The following MARCHF1 variants were observed in gnomAD, a reference collection of about 807,000 sequenced individuals.
MARCHF1 encodes the protein E3 ubiquitin-protein ligase MARCHF1.
A neutral mutation model predicts 54.2 loss-of-function variants in MARCHF1; 40 were observed. The ratio of observed to expected loss-of-function variants is 0.74; its 90% CI spans 0.57 to 0.96. MARCHF1 has a LOEUF of 0.96. MARCHF1 is among the 40% of genes least tolerant of loss of function. The pLI, the probability that MARCHF1 is intolerant of heterozygous loss-of-function variation, is 0.00. For missense variants in MARCHF1, 586 were observed against 656.5 expected (o/e 0.89, Z 1.17); for synonymous variants, 236 against 236.3 (o/e 1.00, Z 0.01).
At chr4:163,568,617 T>G (rs1739728798) in intron 8 of MARCHF1, among the ~76,000 whole-genome samples, 1 of 152,154 alleles carries the variant, frequency 6.6e-6, no homozygotes, top group South Asian at 2.1e-4. Context: ...AATGAGTCTT[T>G]GGAGCACGCA....
chr4:164,240,997 G>C (rs1260539949), intron 1 of MARCHF1, among the ~76,000 whole-genome samples: 1 of 152,008 alleles, frequency 6.6e-6, no homozygotes, highest in Non-Finnish European at 1.5e-5. Context: ...ACACGACTGG[G>C]GACTTTTTCC....
chr4:164,370,020 A>T (rs1373959661), intron 1 of MARCHF1, among the ~76,000 whole-genome samples: 1 of 152,242 alleles, frequency 6.6e-6, no homozygotes, highest in African/African-American at 2.4e-5. Flanking sequence ...AACCTAAGCA[A>T]GATCTTCACA....
chr4:164,246,846 C>G (rs929014434), intron 1 of MARCHF1, among the ~76,000 whole-genome samples: 1 of 129,500 alleles, frequency 7.7e-6, no homozygotes, highest in Non-Finnish European at 1.6e-5. Context: ...AGCCAAAAAA[C>G]ACATGAAAAA....
chr4:163,710,534 C>T lies in MARCHF1; in HGVS notation c.112-9671G>A, dbSNP rs115158404. Reference sequence around the variant, plus strand: ...AATATTATTCAAAAGCATGTCCTTGCTCTACACACTTATAAAAGACTCTCT... The same window carrying T: ...AATATTATTCAAAAGCATGTCCTTGTTCTACACACTTATAAAAGACTCTCT... On this transcript the variant is annotated intron_variant, in intron 4 of 9. Coordinates refer to ENST00000514618, the MANE Select transcript of MARCHF1 (RefSeq NM_001394959.1). 5.8e-3 allele frequency among the ~76,000 whole-genome samples: 884 copies of T among 151,310 alleles called. 6 individuals are homozygous for T. Among genetic ancestry groups the T allele is most frequent in the African/African-American group, 0.021 (848 of 41,172 alleles).
chr4:163,601,292 A>G (rs1740955832), intron 7 of MARCHF1, among the ~76,000 whole-genome samples: 1 of 152,114 alleles, frequency 6.6e-6, no homozygotes. Flanking sequence ...ATGTTTATAC[A>G]CACAATGTTT....
intron 4 of MARCHF1, among the ~76,000 whole-genome samples, chr4:163,734,941 C>A (rs940525254): frequency 1.3e-5 from 2 of 152,134 alleles, no homozygotes; most frequent in African/African-American, 4.8e-5. Flanking sequence ...AATGTTCCTA[C>A]TATGAGTTCA....
Position 164,242,759 on chromosome 4 carries a change from T to G in MARCHF1, c.-322-131097A>C, listed in dbSNP as rs576366973. Among the ~76,000 whole-genome samples the G allele has an allele frequency of 1.0e-3, 154 of 152,148 alleles. 1 individual carries two copies. The South Asian group carries it at 0.012, about 12-fold the overall frequency. ...AATTTAGAAGAATGTATAACTAGAATAACCAATACAGACAAGTGCTTAAAG... is the reference window on the plus strand; with the variant it reads ...AATTTAGAAGAATGTATAACTAGAAGAACCAATACAGACAAGTGCTTAAAG... On this transcript the variant is annotated intron_variant, in intron 1 of 9. Coordinates refer to ENST00000514618, the MANE Select transcript of MARCHF1 (RefSeq NM_001394959.1).
intron 8 of MARCHF1, among the ~76,000 whole-genome samples, chr4:163,566,817 T>C (rs1184375377): frequency 6.6e-6 from 1 of 152,162 alleles, no homozygotes; most frequent in African/African-American, 2.4e-5. Context: ...ATTTGGGAAA[T>C]TCGCTAAAGA....
intron 4 of MARCHF1, among the ~76,000 whole-genome samples, chr4:163,825,589 A>C (rs1296595328): frequency 2.6e-5 from 4 of 152,044 alleles, no homozygotes; most frequent in Non-Finnish European, 5.9e-5. Context: ...TTTATTCCAC[A>C]ATCTTGCCAG....
intron 3 of MARCHF1, among the ~76,000 whole-genome samples, chr4:163,874,783 A>T (rs1750254357): frequency 7.9e-5 from 12 of 152,150 alleles, no homozygotes; most frequent in Admixed American, 7.9e-4. Context: ...GTAAAAGTTT[A>T]TGAAAAATGA....
intron 5 of MARCHF1, among the ~76,000 whole-genome samples, chr4:163,627,197 G>A (rs1462869950): frequency 6.6e-6 from 1 of 152,076 alleles, no homozygotes; most frequent in Non-Finnish European, 1.5e-5. Flanking sequence ...TGAGGCCAAT[G>A]ACAGGAAATT....
intron 4 of MARCHF1, among the ~76,000 whole-genome samples, chr4:163,756,982 A>G (rs2110807348): frequency 6.6e-6 from 1 of 152,340 alleles, no homozygotes; most frequent in East Asian, 1.9e-4. Flanking sequence ...AAGAGGATGG[A>G]GAAGAAATGG....
At chr4:164,278,846 T>C (rs1479769177) in intron 1 of MARCHF1, among the ~76,000 whole-genome samples, 1 of 152,182 alleles carries the variant, frequency 6.6e-6, no homozygotes, top group Non-Finnish European at 1.5e-5. Flanking sequence ...CATCTGATTA[T>C]TGTATTTTAT....
chr4:163,821,560 T>C (rs1748693572), intron 4 of MARCHF1, among the ~76,000 whole-genome samples: 1 of 151,960 alleles, frequency 6.6e-6, no homozygotes, highest in Non-Finnish European at 1.5e-5. Context: ...AATTAAAAAG[T>C]TCAAAGAACA....
intron 3 of MARCHF1, among the ~76,000 whole-genome samples, chr4:163,892,766 G>A (rs986781268): frequency 6.6e-6 from 1 of 151,990 alleles, no homozygotes; most frequent in South Asian, 2.1e-4. Flanking sequence ...AGCTGGTAAG[G>A]GTCTGAAGGT....
intron 5 of MARCHF1, among the ~76,000 whole-genome samples, chr4:163,675,175 A>C (rs1307810249): frequency 6.6e-6 from 1 of 152,254 alleles, no homozygotes; most frequent in African/African-American, 2.4e-5. Flanking sequence ...CTGTATAAAA[A>C]CAAGAATCAG....
chr4:163,803,591 T>C (rs1748143706), intron 4 of MARCHF1, among the ~76,000 whole-genome samples: 1 of 152,252 alleles, frequency 6.6e-6, no homozygotes, highest in East Asian at 1.9e-4. Flanking sequence ...TGTAATACTA[T>C]GTACACAGCT....
intron 1 of MARCHF1, among the ~76,000 whole-genome samples, chr4:164,185,457 A>G (rs1730942484): frequency 6.6e-6 from 1 of 152,186 alleles, no homozygotes; most frequent in African/African-American, 2.4e-5. Context: ...TTTATCTAAT[A>G]TGTTACCATA....
chr4:163,641,870 A>T (rs894740641), intron 5 of MARCHF1, among the ~76,000 whole-genome samples: 3 of 152,152 alleles, frequency 2.0e-5, no homozygotes, highest in Non-Finnish European at 4.4e-5. Flanking sequence ...AGACTTTCCT[A>T]ATTTCTTTGT....
Sources: gnomAD v4.1 joint callset for allele counts (sites outside exome capture counted in the v4.1 genomes callset) on GRCh38, gnomAD v4.1.1 for gene constraint, MANE v1.5 for transcripts, NCBI Gene and HGNC (gene_info 2026-07-23, HGNC 2026-07-21) for gene names.